Variants in DPP10 observed in about 807,000 individuals in gnomAD.
DPP10 encodes the protein dipeptidyl peptidase like 10.
In DPP10, 33 loss-of-function variants were observed where a neutral mutation model predicts 120.9. The ratio of observed to expected loss-of-function variants is 0.27; its 90% CI spans 0.21 to 0.37. The LOEUF (loss-of-function observed/expected upper bound fraction) is 0.37, where lower values mean the gene tolerates loss of function less well. DPP10 is among the 10% of genes least tolerant of loss of function. The pLI is 1.00. For synonymous variants in DPP10, 337 were observed against 326.1 expected, an observed-to-expected ratio of 1.03 and a Z score of -0.36; for missense variants, 816 against 942.8, an observed-to-expected ratio of 0.87 and a Z score of 1.76.
chr2:115,490,082 C>A (rs1209782005), intron 3 of DPP10, among the ~76,000 whole-genome samples: 4 of 152,130 alleles, frequency 2.6e-5, no homozygotes, highest in Non-Finnish European at 5.9e-5. Context: ...TTCAAGATAT[C>A]CCACATCTTT....
chr2:114,546,849 G>A (rs985369068), intron 1 of DPP10, among the ~76,000 whole-genome samples: 1 of 152,122 alleles, frequency 6.6e-6, no homozygotes, highest in African/African-American at 2.4e-5. Context: ...TCTTTCCTTG[G>A]CTAACAAAAT....
chr2:115,808,213 G>A (rs866289613), intron 19 of DPP10, among the ~76,000 whole-genome samples: 4 of 152,158 alleles, frequency 2.6e-5, no homozygotes, highest in Admixed American at 1.3e-4. Flanking sequence ...TCAAGCCAGC[G>A]AAGATTTATT....
chr2:115,109,278 G>C (rs1223045310), intron 1 of DPP10, among the ~76,000 whole-genome samples: 5 of 152,030 alleles, frequency 3.3e-5, no homozygotes, highest in Non-Finnish European at 5.9e-5. Flanking sequence ...TGGCTCACGC[G>C]TGTAATCCCA....
chr2:115,247,335 G>A (rs1432549505), intron 1 of DPP10, among the ~76,000 whole-genome samples: 2 of 152,116 alleles, frequency 1.3e-5, no homozygotes, highest in Admixed American at 6.6e-5. Context: ...TATACAGGTG[G>A]CAGTTACACT....
intron 3 of DPP10, among the ~76,000 whole-genome samples, chr2:115,391,971 A>T (rs1380545286): frequency 6.6e-6 from 1 of 152,098 alleles, no homozygotes; most frequent in East Asian, 1.9e-4. Context: ...TATACTATTG[A>T]CCTAGAAGAC....
chr2:114,565,262 C>T (rs1385546358), intron 1 of DPP10, among the ~76,000 whole-genome samples: 1 of 152,200 alleles, frequency 6.6e-6, no homozygotes, highest in Non-Finnish European at 1.5e-5. Flanking sequence ...CTGGGCTTCT[C>T]TTTTAGGCCT....
chr2:115,817,044 A>C (rs1304021151), intron 21 of DPP10, among the ~76,000 whole-genome samples: 3 of 150,948 alleles, frequency 2.0e-5, no homozygotes, highest in Non-Finnish European at 4.4e-5. Flanking sequence ...GTCAGGAGAT[A>C]GAGGCCATCT....
intron 1 of DPP10, among the ~76,000 whole-genome samples, chr2:115,022,588 T>C (rs1446032498): frequency 1.3e-5 from 2 of 152,008 alleles, no homozygotes; most frequent in African/African-American, 2.4e-5. Flanking sequence ...AAGCAATCTA[T>C]AGATTGAATG....
intron 1 of DPP10, among the ~76,000 whole-genome samples, chr2:114,843,219 G>A (rs569399903): frequency 5.3e-5 from 8 of 152,148 alleles, no homozygotes; most frequent in African/African-American, 1.4e-4. Flanking sequence ...CTACTTATCT[G>A]ATTCTTGGCC....
chr2:114,679,398 G>T (rs748095902), intron 1 of DPP10, among the ~76,000 whole-genome samples: 3 of 151,954 alleles, frequency 2.0e-5, no homozygotes, highest in Admixed American at 6.6e-5. Flanking sequence ...GCACAAACTG[G>T]TATGCATTAG....
chr2:115,251,100 C>A (rs1313821393), intron 1 of DPP10, among the ~76,000 whole-genome samples: 2 of 152,126 alleles, frequency 1.3e-5, no homozygotes, highest in Non-Finnish European at 2.9e-5. Flanking sequence ...TGGTAGCTGC[C>A]AGGGATAGGT....
At chr2:114,913,434 C>CA (rs1694532986) in intron 1 of DPP10, among the ~76,000 whole-genome samples, 1 of 152,108 alleles carries the variant, frequency 6.6e-6, no homozygotes. Context: ...AGAAAAAAGC[C>CA]GTAAGACTGG....
intron 1 of DPP10, among the ~76,000 whole-genome samples, chr2:115,054,308 T>G (rs1218731331): frequency 3.3e-5 from 5 of 152,166 alleles, no homozygotes; most frequent in Non-Finnish European, 7.4e-5. Context: ...GTGAGAATTT[T>G]TAGCTGTCAG....
intron 1 of DPP10, among the ~76,000 whole-genome samples, chr2:114,728,654 C>G (rs1056377330): frequency 2.0e-5 from 3 of 152,122 alleles, no homozygotes; most frequent in Non-Finnish European, 4.4e-5. Context: ...TTTCAACCAG[C>G]CTTTGACCCT....
intron 1 of DPP10, among the ~76,000 whole-genome samples, chr2:115,191,460 AC>A (rs1292334735): frequency 1.3e-5 from 2 of 152,372 alleles, no homozygotes; most frequent in East Asian, 3.9e-4. Flanking sequence ...ACAGGGTATA[AC>A]GAGGCAAGGA....
chr2:114,484,028 G>A (rs144299453), intron 1 of DPP10, among the ~76,000 whole-genome samples: 1 of 152,204 alleles, frequency 6.6e-6, no homozygotes, highest in African/African-American at 2.4e-5. Flanking sequence ...GTGTCACTCT[G>A]AGACTGGACC....
chr2:114,987,890 G>A (rs375139995), intron 1 of DPP10, among the ~76,000 whole-genome samples: 2 of 142,084 alleles, frequency 1.4e-5, no homozygotes, highest in South Asian at 2.3e-4. Context: ...TGCAAGCTCC[G>A]CCTCCCGGGT....
At chr2:115,037,585 A>G (rs1704316409) in intron 1 of DPP10, among the ~76,000 whole-genome samples, 1 of 152,194 alleles carries the variant, frequency 6.6e-6, no homozygotes, top group South Asian at 2.1e-4. Context: ...ACTACATGAG[A>G]CGTACCATGG....
chr2:115,101,598 C>G (rs551820019), intron 1 of DPP10, among the ~76,000 whole-genome samples: 1 of 152,322 alleles, frequency 6.6e-6, no homozygotes, highest in Admixed American at 6.5e-5. Flanking sequence ...AAACAGGCAG[C>G]CTTTGCTGTC....
Sources: allele counts gnomAD v4.1 joint callset (sites outside exome capture counted in the v4.1 genomes callset), GRCh38; gene constraint gnomAD v4.1.1; transcripts MANE v1.5; gene names NCBI Gene and HGNC (gene_info 2026-07-23, HGNC 2026-07-21).